The following ATP8B1 variants were observed in gnomAD, a reference collection of about 807,000 sequenced individuals.
ATP8B1 encodes the protein ATPase phospholipid transporting 8B1.
Under a neutral mutation model 149.9 loss-of-function variants are expected in ATP8B1, and 80 were observed. That is an observed-to-expected ratio of 0.53 (90% CI 0.45 to 0.64). The LOEUF is 0.64. Ranked by LOEUF, ATP8B1 falls within the 30% of genes least tolerant of loss-of-function variation. The probability of loss-of-function intolerance (pLI) is 0.00; values close to 1 mark genes in which losing one functional copy is unlikely to be tolerated. For missense variants in ATP8B1, 1,247 were observed against 1,552.6 expected, an observed-to-expected ratio of 0.80 and a Z score of 3.31; for synonymous variants, 536 against 562.8, an observed-to-expected ratio of 0.95 and a Z score of 0.67.
chr18:57,766,909 G>A (rs528391084), intron 1 of ATP8B1, among the ~76,000 whole-genome samples: 18 of 152,196 alleles, frequency 1.2e-4, no homozygotes, highest in Non-Finnish European at 2.6e-4. Context: ...GAGACCTACA[G>A]GACATGTAGG....
intron 1 of ATP8B1, among the ~76,000 whole-genome samples, chr18:57,756,252 CAT>C (rs377153328): frequency 0.43 from 46,436 of 107,592 alleles, 11,514 homozygotes; most frequent in Middle Eastern, 0.6. Flanking sequence ...TACACACACA[CAT>C]ATATATATAT....
intron 2 of ATP8B1, among the ~76,000 whole-genome samples, chr18:57,726,269 C>T (rs1168654418): frequency 6.6e-6 from 1 of 151,736 alleles, no homozygotes; most frequent in Non-Finnish European, 1.5e-5. Flanking sequence ...ACTTGGGAAA[C>T]TCTCCAGGAC....
intron 20 of ATP8B1, among the ~76,000 whole-genome samples, chr18:57,665,445 C>T (rs1910787725): frequency 1.3e-5 from 2 of 152,136 alleles, no homozygotes; most frequent in African/African-American, 4.8e-5. Flanking sequence ...AATTTTTTTA[C>T]AGCCCCATCT....
intron 2 of ATP8B1, 29 bp from the exon 3 acceptor site, chr18:57,706,616 A>C: frequency 6.4e-7 from 1 of 1,551,392 alleles, no homozygotes; most frequent in East Asian, 2.3e-5. Context: ...AAAGTTCGTA[A>C]GTAGCAAATT....
chr18:57,668,246 A>G, intron 19 of ATP8B1, 183 bp downstream of exon 19: 2 of 1,413,994 alleles, frequency 1.4e-6, no homozygotes, highest in Non-Finnish European at 9.5e-7. Flanking sequence ...GAGGGGGATC[A>G]GGAAAGGATG....
intron 22 of ATP8B1, among the ~76,000 whole-genome samples, chr18:57,659,112 C>CA (rs1408766534): frequency 6.6e-6 from 1 of 151,894 alleles, no homozygotes; most frequent in African/African-American, 2.4e-5. Context: ...CCCAACTCTA[C>CA]AAAAAATACA....
At position 57,652,693 on chromosome 18, in the gene ATP8B1, A is replaced by AC; in HGVS notation, c.3051dup (p.Leu1018ValfsTer14). The AC allele has an allele frequency of 6.2e-7, 1 of 1,614,170 alleles. No homozygotes were observed. Among genetic ancestry groups the AC allele is most frequent in the Non-Finnish European group, 8.5e-7 (1 of 1,180,010 alleles). On this transcript the variant is annotated frameshift_variant, in exon 25 of 28. Coordinates refer to ENST00000648908, the MANE Select transcript of ATP8B1 (RefSeq NM_001374385.1). LOFTEE classifies it high-confidence loss of function. The stretch of plus-strand genomic sequence containing the variant: ...AAGTCTCTTTGTCCCACTATGTATA[A>AC]CCCAGGGAATCGGAGGCTCAGTTTG...
In ATP8B1 at chr18:57,667,128, G is replaced by T; in HGVS notation, c.2249C>A (p.Thr750Asn). Reference sequence around the variant, plus strand: ...CCCATAGCAGATGGTGGTGTCTTCAGTCAGAAGTTCACAAGCAAATCCTAT... The same window carrying T: ...CCCATAGCAGATGGTGGTGTCTTCATTCAGAAGTTCACAAGCAAATCCTAT... ...ENIGFACELL[T>N]EDTTICYGED... Residue 750 changes from threonine to asparagine, a missense_variant, in exon 20 of 28, where the codon ACT (threonine) becomes AAT (asparagine). Transcript: ENST00000648908. 2 of 1,613,412 alleles carry T rather than the reference G, an allele frequency of 1.2e-6. No homozygotes were observed. The highest frequency in any genetic ancestry group is 8.5e-7 in the Non-Finnish European group (1 of 1,179,284).
At chr18:57,790,372 C>T (rs538531488) in intron 1 of ATP8B1, among the ~76,000 whole-genome samples, 1 of 151,922 alleles carries the variant, frequency 6.6e-6, no homozygotes, top group Non-Finnish European at 1.5e-5. Flanking sequence ...CAAACAAAAC[C>T]AGGAATCAAA....
chr18:57,761,105 A>AAAT (rs2080151551), intron 1 of ATP8B1, among the ~76,000 whole-genome samples: 1 of 114,884 alleles, frequency 8.7e-6, no homozygotes, highest in Non-Finnish European at 1.8e-5. Context: ...TAAAAAATAA[A>AAAT]ATAAAATATA....
Position 57,688,319 on chromosome 18 carries a change from C to T in ATP8B1, c.1409G>A (p.Cys470Tyr). ...TQNIMTFKKC[C>Y]INGQIYGDHR... ...CTTACCATATATCTGCCCGTTGATA[C>T]AGCACTTTTTAAAGGTCATGATATT... The change falls in exon 13 of 28, where the codon TGT becomes TAT. Residue 470 changes from cysteine (C) to tyrosine (Y), a missense_variant. By Grantham distance (194) the Cys-to-Tyr change is radical. This residue lies in a region of ATP8B1 where 853 missense variants were observed against 1,035.7 expected (regional missense o/e 0.82). Transcript: ENST00000648908. 1 of 1,614,132 alleles carries T rather than the reference C, an allele frequency of 6.2e-7. No homozygotes were observed. Among genetic ancestry groups the T allele is most frequent in the Non-Finnish European group, 8.5e-7 (1 of 1,180,014 alleles).
rs1909315041 is a variant in ATP8B1 at position 57,648,323 on chromosome 18, T to G, written c.*165A>C. ...TTTTAAAAGTCCTATTTCTTGGCTC[T>G]GCTATTGTTTAATAGTCCAACCCAA... On this transcript the variant is annotated 3_prime_UTR_variant, in exon 28 of 28. Coordinates refer to ENST00000648908, the MANE Select transcript of ATP8B1 (RefSeq NM_001374385.1). 5 of 861,600 alleles carry G rather than the reference T, an allele frequency of 5.8e-6. No homozygotes were observed. The East Asian group carries it at 1.3e-4, about 23-fold the overall frequency. 53.4% of individuals were successfully genotyped at this position (861,600 alleles called of 1,614,324 possible). A position where few individuals can be genotyped will look rare whatever the true frequency, so the allele number is the denominator to read the frequency against.
intron 4 of ATP8B1, among the ~76,000 whole-genome samples, chr18:57,701,856 C>CCT (rs1568202756): frequency 9.2e-5 from 14 of 151,808 alleles, no homozygotes; most frequent in Non-Finnish European, 1.8e-4. Flanking sequence ...CCACCACCCC[C>CCT]GGCTAATTTT....
intron 1 of ATP8B1, among the ~76,000 whole-genome samples, chr18:57,793,829 C>A (rs1367759138): frequency 6.6e-6 from 1 of 152,176 alleles, no homozygotes; most frequent in Non-Finnish European, 1.5e-5. Flanking sequence ...CTTGCCCTCC[C>A]ATTCTCTCGG....
At position 57,701,288 on chromosome 18, in the gene ATP8B1, G is replaced by A; in HGVS notation, c.419C>T (p.Ala140Val). 5 of 1,614,214 alleles carry A rather than the reference G, an allele frequency of 3.1e-6. No individual in the cohort carries two copies. Among genetic ancestry groups the A allele is most frequent in the Non-Finnish European group, 3.4e-6 (4 of 1,180,018 alleles). ...LQAVPQISTL[A>V]WYTTLVPLLV... ...CAGGGGCACTAGTGTGGTGTACCAAGCCAGGGTAGAGATTTGAGGAACTGC... is the reference window on the plus strand; with the variant it reads ...CAGGGGCACTAGTGTGGTGTACCAAACCAGGGTAGAGATTTGAGGAACTGC... The change falls in exon 5 of 28, where the codon GCT (alanine) becomes GTT (valine). Residue 140 changes from alanine to valine, a missense_variant. This residue lies in a region of ATP8B1 where 853 missense variants were observed against 1,035.7 expected (regional missense o/e 0.82). Transcript: ENST00000648908.
chr18:57,799,086 G>T (rs563498900), intron 1 of ATP8B1, among the ~76,000 whole-genome samples: 6 of 152,258 alleles, frequency 3.9e-5, no homozygotes, highest in African/African-American at 1.4e-4. Flanking sequence ...ATCTCATTTG[G>T]AACTCATCAC....
At chr18:57,787,481 C>A (rs897297724) in intron 1 of ATP8B1, among the ~76,000 whole-genome samples, 3 of 148,670 alleles carry the variant, frequency 2.0e-5, no homozygotes, top group Admixed American at 6.7e-5. Context: ...ATCTAGAACA[C>A]TGCGGGAGGA....
chr18:57,753,393 T>C (rs559779929), intron 1 of ATP8B1, among the ~76,000 whole-genome samples: 82 of 152,370 alleles, frequency 5.4e-4, no homozygotes, highest in Admixed American at 1.1e-3. Context: ...TTCATTTTAC[T>C]ATTTCTACAT....
chr18:57,702,564 A>G (rs939042132), intron 4 of ATP8B1, among the ~76,000 whole-genome samples: 14 of 152,206 alleles, frequency 9.2e-5, no homozygotes, highest in African/African-American at 2.9e-4. Context: ...TGACCTTAAG[A>G]GAAGATAACT....
Sources: allele counts gnomAD v4.1 joint callset (sites outside exome capture counted in the v4.1 genomes callset), GRCh38; gene constraint gnomAD v4.1.1; regional missense constraint gnomAD v4.1.1; transcripts MANE v1.5; gene names NCBI Gene and HGNC (gene_info 2026-07-23, HGNC 2026-07-21).